MGAM2: variants seen among roughly 807,000 people sequenced by gnomAD.
MGAM2 encodes maltase-glucoamylase 2 (putative), also known as probable maltase-glucoamylase 2.
A neutral mutation model predicts 96.1 loss-of-function variants in MGAM2; 98 were observed. The observed-to-expected ratio is 1.02, with a 90% CI of 0.87 to 1.21. The LOEUF is 1.21. Among genes scored for constraint, MGAM2 ranks in the 50% most tolerant of loss-of-function variants. The pLI, the probability that MGAM2 is intolerant of heterozygous loss-of-function variation, is 0.00. For synonymous variants in MGAM2, 749 were observed against 414.8 expected (o/e 1.81, Z -9.79); for missense variants, 2,055 against 1,182.4 (o/e 1.74, Z -10.82).
At chr7:142,156,730 C>T (rs899238663) in intron 17 of MGAM2, among the ~76,000 whole-genome samples, 5 of 151,972 alleles carry the variant, frequency 3.3e-5, no homozygotes, top group Non-Finnish European at 7.4e-5. Flanking sequence ...TGGAGTCATT[C>T]TATTTAGAGG....
intron 4 of MGAM2, 65 bp from the exon 5 acceptor site, chr7:142,131,448 AAAAAC>A (rs1208000016): frequency 2.8e-5 from 19 of 677,464 alleles, no homozygotes; most frequent in Admixed American, 1.9e-4. Context: ...AAACAAAAAC[AAAAAC>A]AAAACAAAAC....
chr7:142,201,570 G>T (rs1317727052), intron 45 of MGAM2, among the ~76,000 whole-genome samples: 8 of 152,202 alleles, frequency 5.3e-5, no homozygotes, highest in African/African-American at 1.9e-4. Flanking sequence ...CAATGAAGAT[G>T]TGGAATATTT....
Position 142,154,055 on chromosome 7 carries a change from A to T in MGAM2, c.1672A>T (p.Ile558Phe). ...ETIFMNNRSFILSRSTFAGSG... is the reference protein window; with the variant it reads ...ETIFMNNRSFFLSRSTFAGSG... ...CATCTTCATGAATAATAGGAGCTTC[A>T]TCTTATCCCGTTCTACTTTTGCTGG... Residue 558 changes from isoleucine (I) to phenylalanine (F), a missense_variant, in exon 16 of 48, where the codon ATC becomes TTC. Transcript: ENST00000477922. 1 of 693,980 alleles carries T rather than the reference A, an allele frequency of 1.4e-6. No homozygotes were observed. The allele number at this position is 693,980 out of a possible 1,614,324, so 43.0% of individuals were successfully genotyped here.
intron 3 of MGAM2, among the ~76,000 whole-genome samples, chr7:142,128,529 T>A (rs542417338): frequency 6.6e-6 from 1 of 152,290 alleles, no homozygotes; most frequent in South Asian, 2.1e-4. Context: ...GAAAAATGGT[T>A]CCATGGGCCA....
chr7:142,131,702 C>G lies in MGAM2; in HGVS notation c.420+75C>G, dbSNP rs1173836433. 8 of 673,798 alleles carry G rather than the reference C, an allele frequency of 1.2e-5. No homozygotes were observed. The Admixed American group carries it at 1.5e-4, about 13-fold the overall frequency. The allele number at this position is 673,798 out of a possible 1,614,324, so 41.7% of individuals were successfully genotyped here. A position where few individuals can be genotyped will look rare whatever the true frequency, so the allele number is the denominator to read the frequency against. On this transcript the variant is annotated intron_variant, in intron 5 of 47. Transcript: ENST00000477922. ...TCACATTGGGCTTGAAGTGTGGAGGCAGAAGGTACCTCTCTCCCTCTCTGC... is the reference window on the plus strand; with the variant it reads ...TCACATTGGGCTTGAAGTGTGGAGGGAGAAGGTACCTCTCTCCCTCTCTGC...
At chr7:142,117,792 C>T (rs895015591) in intron 2 of MGAM2, among the ~76,000 whole-genome samples, 6 of 152,134 alleles carry the variant, frequency 3.9e-5, no homozygotes, top group African/African-American at 7.2e-5. Flanking sequence ...ACACATTTTT[C>T]GGGTAACAAG....
chr7:142,149,579 C>A (rs189401872), intron 15 of MGAM2, among the ~76,000 whole-genome samples: 2 of 151,380 alleles, frequency 1.3e-5, no homozygotes, highest in South Asian at 4.2e-4. Flanking sequence ...CTCGCTCTGT[C>A]GCCCAGGCTG....
chr7:142,209,083 C>T, intron 46 of MGAM2, among the ~76,000 whole-genome samples: 1 of 152,112 alleles, frequency 6.6e-6, no homozygotes, highest in East Asian at 1.9e-4. Context: ...AGCTCACATA[C>T]ATCTCCAGTT....
rs1285721082 is a variant in MGAM2, at chr7:142,132,680, T to C, written c.575+595T>C. Among the ~76,000 whole-genome samples the C allele has an allele frequency of 2.1e-4, 27 of 126,702 alleles. No individual in the cohort carries two copies. The Admixed American group carries it at 2.3e-3, about 11-fold the overall frequency. 83.1% of individuals were successfully genotyped at this position (126,702 alleles called of 152,430 possible). A position where few individuals can be genotyped will look rare whatever the true frequency, so the allele number is the denominator to read the frequency against. ...TAAAATATAATAAATATATTAATTA[T>C]AATATAATTAATAATATTAATTAAT... On this transcript the variant is annotated intron_variant, in intron 6 of 47. Transcript: ENST00000477922.
chr7:142,214,318 A>C (rs2961057), intron 46 of MGAM2, among the ~76,000 whole-genome samples: 115,545 of 152,034 alleles, frequency 0.76, 44,316 homozygotes, highest in African/African-American at 0.87. Flanking sequence ...GGCAATCAGG[A>C]AAGAGAAAGA....
chr7:142,162,313 G>A (rs1046529008), intron 23 of MGAM2, among the ~76,000 whole-genome samples: 1 of 152,042 alleles, frequency 6.6e-6, no homozygotes, highest in East Asian at 1.9e-4. Context: ...TGTATATGAG[G>A]TGTGAGTGGG....
chr7:142,207,188 C>A lies in MGAM2; in HGVS notation c.5138-1385C>A, dbSNP rs543986629. On this transcript the variant is annotated intron_variant, in intron 45 of 47. Transcript: ENST00000477922. ...TTATAGGAACCATATGGGAAGGAGACATAAAGTAAGGAGTATTTCAAAGGA... is the reference window on the plus strand; with the variant it reads ...TTATAGGAACCATATGGGAAGGAGAAATAAAGTAAGGAGTATTTCAAAGGA... 9.1e-4 allele frequency among the ~76,000 whole-genome samples: 138 copies of A among 152,120 alleles called. No individual in the cohort carries two copies. In the Middle Eastern group the frequency reaches 0.01, roughly 11 times the overall value.
chr7:142,136,376 C>A (rs1795059882), intron 7 of MGAM2, among the ~76,000 whole-genome samples, 165 bp from the exon 8 acceptor site: 1 of 152,040 alleles, frequency 6.6e-6, no homozygotes, highest in Non-Finnish European at 1.5e-5. Flanking sequence ...TTTGTTTATT[C>A]ATTTTCCAGT....
chr7:142,117,827 A>G lies in MGAM2; in HGVS notation c.106+848A>G, dbSNP rs145150211. On this transcript the variant is annotated intron_variant, in intron 2 of 47. Coordinates refer to ENST00000477922, the MANE Select transcript of MGAM2 (RefSeq NM_001293626.2). ...GTCTCCTGAGATTGCTATCCAGTGT[A>G]TATGACTAATTGGTTTATTTTATTT... Among the ~76,000 whole-genome samples the G allele has an allele frequency of 4.7e-3, 717 of 152,324 alleles. 6 individuals are homozygous for G. Among genetic ancestry groups the G allele is most frequent in the African/African-American group, 0.016 (682 of 41,582 alleles).
At position 142,159,339 on chromosome 7, in the gene MGAM2, A is replaced by G. The variant is rs1369824801; in HGVS notation, c.2216A>G (p.Glu739Gly). Reference sequence around the variant, plus strand: ...CCTGATGCCACCTGGTATGACTATGAGACAGTAAGTAAGGCAGCCCTGGTT... The same window carrying G: ...CCTGATGCCACCTGGTATGACTATGGGACAGTAAGTAAGGCAGCCCTGGTT... ...YIPDATWYDY[E>G]TGVAISWRKQ... Residue 739 changes from glutamate to glycine, a missense_variant, in exon 20 of 48, where the codon GAG becomes GGG. Coordinates refer to ENST00000477922, the MANE Select transcript of MGAM2 (RefSeq NM_001293626.2). The G allele has an allele frequency of 1.4e-6, 1 of 702,444 alleles. No individual in the cohort carries two copies. The highest frequency in any genetic ancestry group is 1.7e-5 in the African/African-American group (1 of 57,350). The allele number at this position is 702,444 out of a possible 1,614,324, so 43.5% of individuals were successfully genotyped here. A position where few individuals can be genotyped will look rare whatever the true frequency, so the allele number is the denominator to read the frequency against.
chr7:142,220,468 C>T lies in MGAM2; in HGVS notation c.5957C>T (p.Thr1986Ile), dbSNP rs576941813. 1 of 702,572 alleles carries T rather than the reference C, an allele frequency of 1.4e-6. No individual in the cohort carries two copies. Among genetic ancestry groups the T allele is most frequent in the South Asian group, 1.5e-5 (1 of 67,600 alleles). 43.5% of individuals were successfully genotyped at this position (702,572 alleles called of 1,614,324 possible). The change falls in exon 48 of 48, where the codon ACA becomes ATA. Residue 1986 changes from threonine (T) to isoleucine (I), a missense_variant. Coordinates refer to ENST00000477922, the MANE Select transcript of MGAM2 (RefSeq NM_001293626.2). ...CCTATCACAACCACACCTTTTGCAA[C>T]AAGTACTATTAGTGTTACAACTAGT... ...TIPITTTPFATSTISVTTSTT... is the reference protein window; with the variant it reads ...TIPITTTPFAISTISVTTSTT...
intron 15 of MGAM2, among the ~76,000 whole-genome samples, chr7:142,150,469 G>T (rs1195362425): frequency 6.6e-6 from 1 of 151,768 alleles, no homozygotes; most frequent in Non-Finnish European, 1.5e-5. Context: ...ATTACACTAG[G>T]CCCAGAACTA....
intron 45 of MGAM2, among the ~76,000 whole-genome samples, chr7:142,201,753 A>G (rs1797242152): frequency 6.6e-6 from 1 of 152,230 alleles, no homozygotes; most frequent in South Asian, 2.1e-4. Context: ...TAATGTTTAC[A>G]TTGGATCAGG....
Position 142,114,160 on chromosome 7 carries a change from A to AAGAG in MGAM2, c.-1+2356_-1+2357insGAGA, listed in dbSNP as rs1156369132. Among the ~76,000 whole-genome samples, 11 of 94,956 alleles carry AAGAG rather than the reference A, an allele frequency of 1.2e-4. 2 individuals are homozygous for AAGAG. The highest frequency in any genetic ancestry group is 6.1e-4 in the African/African-American group (9 of 14,724). The allele number at this position is 94,956 out of a possible 152,430, so 62.3% of individuals were successfully genotyped here. Reference sequence around the variant, plus strand: ...AAAGAAAGAAAGAAAGAAGGAAAGAAAGAAAGAAAGAAAGAAAGAAAGAAA... The same window carrying AAGAG: ...AAAGAAAGAAAGAAAGAAGGAAAGAAAGAGAGAAAGAAAGAAAGAAAGAAAGAAA... On this transcript the variant is annotated intron_variant, in intron 1 of 47. Coordinates refer to ENST00000477922, the MANE Select transcript of MGAM2 (RefSeq NM_001293626.2).
Sources: allele counts gnomAD v4.1 joint callset (sites outside exome capture counted in the v4.1 genomes callset), GRCh38; gene constraint gnomAD v4.1.1; transcripts MANE v1.5; gene names NCBI Gene and HGNC (gene_info 2026-07-23, HGNC 2026-07-21).